The following MRTFA variants were observed in gnomAD, a reference collection of about 807,000 sequenced individuals.
MRTFA encodes myocardin related transcription factor A, also known as myocardin-related transcription factor A.
In MRTFA, 20 loss-of-function variants were observed where a neutral mutation model predicts 83.5. The observed-to-expected ratio is 0.24, with a 90% CI of 0.17 to 0.35. The LOEUF is 0.35. Ranked by LOEUF, MRTFA falls within the 10% of genes least tolerant of loss-of-function variation. The pLI is 1.00. For synonymous variants in MRTFA, 659 were observed against 541.2 expected (o/e 1.22, Z -3.02); for missense variants, 1,200 against 1,224.7 (o/e 0.98, Z 0.30).
intron 4 of MRTFA, among the ~76,000 whole-genome samples, chr22:40,446,194 C>G (rs1327497736): frequency 6.6e-6 from 1 of 152,170 alleles, no homozygotes; most frequent in Non-Finnish European, 1.5e-5. Flanking sequence ...ACGTGAAAAT[C>G]CTGTTTTCCC....
intron 3 of MRTFA, among the ~76,000 whole-genome samples, chr22:40,469,871 A>T (rs1050464328): frequency 6.6e-6 from 1 of 152,132 alleles, no homozygotes; most frequent in Non-Finnish European, 1.5e-5. Context: ...TGAGGCCAGG[A>T]GTCAGAGACC....
At chr22:40,412,017 CG>C in intron 14 of MRTFA, 110 bp from the exon 15 acceptor site, 2 of 928,770 alleles carry the variant, frequency 2.2e-6, no homozygotes, top group Non-Finnish European at 3.0e-6. Flanking sequence ...AAAAATAAAA[CG>C]GATCAAAGAC....
chr22:40,561,051 A>G (rs2055607348), intron 2 of MRTFA, among the ~76,000 whole-genome samples: 1 of 152,144 alleles, frequency 6.6e-6, no homozygotes, highest in African/African-American at 2.4e-5. Flanking sequence ...TCAATCAATT[A>G]ATGAACTTTC....
At chr22:40,413,418 C>A (rs1048439183) in intron 14 of MRTFA, among the ~76,000 whole-genome samples, 1 of 151,154 alleles carries the variant, frequency 6.6e-6, no homozygotes, top group South Asian at 2.1e-4. Flanking sequence ...TGGCTCACTG[C>A]AACCTCCGCC....
chr22:40,595,271 C>T (rs1440414918), intron 1 of MRTFA, among the ~76,000 whole-genome samples: 1 of 151,918 alleles, frequency 6.6e-6, no homozygotes, highest in African/African-American at 2.4e-5. Context: ...CAGGTGTGCA[C>T]CATTACGTCG....
At chr22:40,485,399 G>A (rs3827382) in intron 3 of MRTFA, among the ~76,000 whole-genome samples, 12,402 of 152,138 alleles carry the variant, frequency 0.082, 768 homozygotes, top group East Asian at 0.24. Context: ...AAAACAGCCT[G>A]AACTGTGGCA....
chr22:40,571,026 C>CA (rs71199292), intron 2 of MRTFA, among the ~76,000 whole-genome samples: 12,973 of 46,180 alleles, frequency 0.28, 3,110 homozygotes, highest in East Asian at 0.33. Context: ...CCTGTCTCTA[C>CA]AAAAAAAAAA....
intron 4 of MRTFA, among the ~76,000 whole-genome samples, chr22:40,441,594 G>C (rs1264370135): frequency 3.3e-5 from 5 of 152,104 alleles, no homozygotes; most frequent in Non-Finnish European, 7.4e-5. Context: ...AGACCAGCCT[G>C]GCCAACATGG....
intron 3 of MRTFA, among the ~76,000 whole-genome samples, chr22:40,549,449 AAAAG>A (rs544684837): frequency 2.1e-3 from 315 of 152,326 alleles, no homozygotes; most frequent in Middle Eastern, 3.4e-3. Context: ...TTCAAAAACA[AAAAG>A]AAACCACCAA....
chr22:40,485,354 T>C (rs576680097), intron 3 of MRTFA, among the ~76,000 whole-genome samples: 9 of 152,290 alleles, frequency 5.9e-5, no homozygotes, highest in African/African-American at 1.7e-4. Flanking sequence ...CAAGACCCCT[T>C]TTCCTCTGCC....
chr22:40,543,103 C>T (rs2055315131), intron 3 of MRTFA, among the ~76,000 whole-genome samples: 1 of 152,174 alleles, frequency 6.6e-6, no homozygotes, highest in African/African-American at 2.4e-5. Flanking sequence ...TAAACAGAAT[C>T]ATTTAATCAA....
intron 3 of MRTFA, among the ~76,000 whole-genome samples, chr22:40,480,874 G>A (rs1555980044): frequency 6.7e-6 from 1 of 149,604 alleles, no homozygotes; most frequent in African/African-American, 2.5e-5. Context: ...TCAGCCTCCC[G>A]AGTATCTGGG....
chr22:40,434,972 T>C (rs2053140242), intron 5 of MRTFA, among the ~76,000 whole-genome samples: 1 of 152,138 alleles, frequency 6.6e-6, no homozygotes, highest in African/African-American at 2.4e-5. Context: ...AAACTTGGGC[T>C]TGGAGTGTGG....
rs1569263078 is a variant in MRTFA, at chr22:40,434,758, A to C, written c.363+741T>G. ...TAAAATAAAATAGCCGTGGGTCTTA[A>C]GGAGATGCAGCCCATGATCTGTCTA... On this transcript the variant is annotated intron_variant, in intron 5 of 14. Transcript: ENST00000355630. 4.6e-5 allele frequency among the ~76,000 whole-genome samples: 7 copies of C among 152,292 alleles called. No homozygotes were observed. In the East Asian group the frequency reaches 1.4e-3, roughly 29 times the overall value.
At chr22:40,586,924 G>GTGCTGC (rs971204262) in intron 2 of MRTFA, 8 of 369,884 alleles carry the variant, frequency 2.2e-5, no homozygotes, top group African/African-American at 1.1e-4. Context: ...GCTGGTGCTG[G>GTGCTGC]TGCTGCTGCT....
At chr22:40,540,867 A>G (rs948262579) in intron 3 of MRTFA, among the ~76,000 whole-genome samples, 2 of 151,948 alleles carry the variant, frequency 1.3e-5, no homozygotes, top group African/African-American at 2.4e-5. Context: ...ACATGACAGC[A>G]TTCATAAATG....
At chr22:40,506,229 C>T (rs554622958) in intron 3 of MRTFA, among the ~76,000 whole-genome samples, 1 of 152,072 alleles carries the variant, frequency 6.6e-6, no homozygotes, top group Admixed American at 6.6e-5. Context: ...GGCGACAGAG[C>T]GAGACTCTTA....
intron 3 of MRTFA, among the ~76,000 whole-genome samples, chr22:40,464,309 G>GA (rs398040500): frequency 0.15 from 8,326 of 55,666 alleles, 523 homozygotes; most frequent in East Asian, 0.22. Flanking sequence ...GCTGTCTCAG[G>GA]AAAAAAAAAA....
chr22:40,567,613 C>T (rs1224865768), intron 2 of MRTFA, among the ~76,000 whole-genome samples: 1 of 152,140 alleles, frequency 6.6e-6, no homozygotes, highest in African/African-American at 2.4e-5. Context: ...CACGGAAAAC[C>T]TGCCACAGTA....
Sources: allele counts gnomAD v4.1 joint callset (sites outside exome capture counted in the v4.1 genomes callset), GRCh38; gene constraint gnomAD v4.1.1; transcripts MANE v1.5; gene names NCBI Gene and HGNC (gene_info 2026-07-23, HGNC 2026-07-21).